Variants in ZNF454 observed in about 807,000 individuals in gnomAD.
The protein encoded by ZNF454 is zinc finger protein 454.
A neutral mutation model predicts 48.2 loss-of-function variants in ZNF454; 30 were observed. That is an observed-to-expected ratio of 0.62 (90% confidence interval 0.47 to 0.84). ZNF454 has a LOEUF of 0.84. Among genes scored for constraint, ZNF454 ranks in the 40% least tolerant of loss-of-function variants. ZNF454 has a pLI of 0.00. For synonymous variants in ZNF454, 204 were observed against 211.4 expected, an observed-to-expected ratio of 0.97 and a Z score of 0.30; for missense variants, 510 against 623.1, an observed-to-expected ratio of 0.82 and a Z score of 1.93.
At chr5:178,985,634 C>G in the ZNF454 span, 1 of 370,670 alleles carries the variant, frequency 2.7e-6, no homozygotes, top group Admixed American at 3.6e-5. Flanking sequence ...ACCCGGAAGG[C>G]AGAGCTTGCA....
At chr5:178,972,706 C>G in the ZNF454 span, among the ~76,000 whole-genome samples, 4 of 151,650 alleles carry the variant, frequency 2.6e-5, no homozygotes, top group Non-Finnish European at 2.9e-5. Flanking sequence ...TGGCTCACCC[C>G]CTTCTCAGAT....
chr5:178,964,830 C>A lies in ZNF454; in HGVS notation c.426C>A (p.Leu142=), dbSNP rs1262136891. ...GQEISLQRVV[L]THPNTPSQEC... is the part of the protein sequence containing the mutation. ...AGATCAGTTTGCAGCGAGTGGTACT[C>A]ACTCACCCCAACACCCCATCACAGG... is the stretch of plus-strand genomic sequence containing the variant. Residue 142 remains leucine, a synonymous_variant, in exon 5 of 5, where the codon CTC becomes CTA. Transcript: ENST00000519564. The A allele has an allele frequency of 1.2e-6, 2 of 1,614,152 alleles. No homozygotes were observed. Among genetic ancestry groups the A allele is most frequent in the East Asian group, 4.5e-5 (2 of 44,872 alleles).
At chr5:178,958,454 T>A (rs1029299491) in intron 4 of ZNF454, among the ~76,000 whole-genome samples, 1 of 152,268 alleles carries the variant, frequency 6.6e-6, no homozygotes, top group African/African-American at 2.4e-5. Context: ...ATATAATGTT[T>A]CGCCATATAA....
intron 4 of ZNF454, among the ~76,000 whole-genome samples, chr5:178,951,666 C>G (rs1759561889): frequency 6.6e-6 from 1 of 152,182 alleles, no homozygotes; most frequent in Non-Finnish European, 1.5e-5. Context: ...TTTATCCAGT[C>G]TCCTGCTGCT....
the ZNF454 span, chr5:178,983,623 C>T: frequency 8.0e-6 from 3 of 374,650 alleles, no homozygotes; most frequent in African/African-American, 4.2e-5. Flanking sequence ...CTCGCATCGC[C>T]TCTCTAGCCT....
intron 4 of ZNF454, among the ~76,000 whole-genome samples, chr5:178,956,599 A>G (rs2113237922): frequency 6.6e-6 from 1 of 151,500 alleles, no homozygotes; most frequent in East Asian, 1.9e-4. Flanking sequence ...GAGTTGGGAA[A>G]AGGATGGGAA....
rs1215582587 is a variant in ZNF454, at chr5:178,965,286, T to A, written c.882T>A (p.His294Gln). ...NIHLAHHHRI[H>Q]TGEKPFKCNI... Reference sequence around the variant, plus strand: ...ACCTTGCCCATCATCATAGAATACATACTGGAGAGAAACCTTTTAAATGTA... The same window carrying A: ...ACCTTGCCCATCATCATAGAATACAAACTGGAGAGAAACCTTTTAAATGTA... The change falls in exon 5 of 5, where the codon CAT (histidine) becomes CAA (glutamine). Residue 294 changes from histidine to glutamine, a missense_variant. This residue lies in a region of ZNF454 where 354 missense variants were observed against 408.9 expected (regional missense o/e 0.87). Transcript: ENST00000519564. This position sits in a 1 kb window ranked among gnomAD's most constrained non-coding sequence, Gnocchi z 5.2. 6.2e-7 allele frequency: 1 copy of A among 1,614,188 alleles called. No individual in the cohort carries two copies. The highest frequency in any genetic ancestry group is 1.7e-5 in the Admixed American group (1 of 60,018).
At chr5:178,942,524 G>A (rs1413288713) in intron 1 of ZNF454, 161 bp from the exon 2 acceptor site, 1 of 423,584 alleles carries the variant, frequency 2.4e-6, no homozygotes. Context: ...GCAGGGAAAA[G>A]TCAATGTATA....
the ZNF454 span, chr5:178,987,041 G>A: frequency 6.4e-7 from 1 of 1,560,654 alleles, no homozygotes; most frequent in Non-Finnish European, 8.8e-7. Context: ...CTGGCCTCCT[G>A]GGGAGGCCCC....
chr5:178,986,716 A>G, the ZNF454 span: 1 of 1,604,822 alleles, frequency 6.2e-7, no homozygotes, highest in Non-Finnish European at 8.5e-7. Context: ...AGACGAGGGC[A>G]CCTCGTGGGG....
intron 2 of ZNF454, among the ~76,000 whole-genome samples, chr5:178,943,437 G>A (rs1226764185): frequency 2.6e-5 from 4 of 152,042 alleles, no homozygotes; most frequent in South Asian, 2.1e-4. Flanking sequence ...AGCCATTCAC[G>A]AGGGATCTAC....
chr5:178,986,404 C>G, the ZNF454 span: 4 of 1,613,848 alleles, frequency 2.5e-6, no homozygotes, highest in East Asian at 2.2e-5. Flanking sequence ...GCCCGAGGCC[C>G]GGACGATGGG....
the ZNF454 span, chr5:178,987,531 A>T: frequency 2.3e-6 from 1 of 440,146 alleles, no homozygotes. Flanking sequence ...CCTGGAGGAC[A>T]TGATGCTCGG....
chr5:178,986,697 G>C, the ZNF454 span: 8 of 1,604,582 alleles, frequency 5.0e-6, no homozygotes, highest in Admixed American at 3.3e-5. Flanking sequence ...CGCAGGGCAG[G>C]CTGCACAGAG....
chr5:178,971,304 C>T (rs541093502), downstream of ZNF454, among the ~76,000 whole-genome samples: 9 of 152,228 alleles, frequency 5.9e-5, no homozygotes, highest in Middle Eastern at 0.024. Context: ...AAGCCAGGGC[C>T]TTCTTTGGGT....
chr5:178,945,279 ATG>A (rs534307962), intron 2 of ZNF454, among the ~76,000 whole-genome samples: 57 of 147,238 alleles, frequency 3.9e-4, no homozygotes, highest in African/African-American at 1.3e-3. Context: ...TGTTGTGTGT[ATG>A]TGCATGCGCA....
At chr5:178,986,405 G>A in the ZNF454 span, 202 of 1,613,696 alleles carry the variant, frequency 1.3e-4, 1 homozygote, top group South Asian at 7.1e-4. Context: ...CCCGAGGCCC[G>A]GACGATGGGC....
At chr5:178,964,284 C>G (rs1233588848) in intron 4 of ZNF454, among the ~76,000 whole-genome samples, 1 of 151,828 alleles carries the variant, frequency 6.6e-6, no homozygotes, top group African/African-American at 2.4e-5. Context: ...CCACGCCCGG[C>G]TAATTTTTTG....
the ZNF454 span, chr5:178,989,182 G>A: frequency 2.3e-5 from 37 of 1,590,250 alleles, no homozygotes; most frequent in African/African-American, 2.2e-4. Flanking sequence ...CCCATGCACC[G>A]AACCCGGCCT....
Sources: gnomAD v4.1 joint callset for allele counts (sites outside exome capture counted in the v4.1 genomes callset) on GRCh38, gnomAD v4.1.1 for gene constraint, gnomAD v4.1.1 regional missense constraint, Gnocchi (gnomAD v3.1) non-coding constraint, MANE v1.5 for transcripts, NCBI Gene and HGNC (gene_info 2026-07-23, HGNC 2026-07-21) for gene names.